SSB: variants seen among roughly 807,000 people sequenced by gnomAD.
The protein encoded by SSB is small RNA binding exonuclease protection factor La.
In SSB, 17 loss-of-function variants were observed where a neutral mutation model predicts 52.9. The observed-to-expected ratio is 0.32, with a 90% confidence interval of 0.22 to 0.48. The LOEUF (loss-of-function observed/expected upper bound fraction) is 0.48, where lower values mean the gene tolerates loss of function less well. Ranked by LOEUF, SSB falls within the 20% of genes least tolerant of loss-of-function variation. The pLI is 0.99. For missense variants in SSB, 314 were observed against 463.6 expected (o/e 0.68, Z 2.96); for synonymous variants, 111 against 152.1 (o/e 0.73, Z 1.99).
rs150765079 is a variant in SSB, at chr2:169,811,688, G to C, written c.1159G>C (p.Glu387Gln). The change falls in exon 12 of 12, where the codon GAA becomes CAA. Residue 387 changes from glutamate to glutamine, a missense_variant. By Grantham distance (29) the Glu-to-Gln change is conservative. Transcript: ENST00000260956. The stretch of plus-strand genomic sequence containing the variant: ...TATAGGACCTGTGAAAAGAGCAAGA[G>C]AAGAAACAGACAAAGAAGAACCTGC... ...GATGPVKRAR[E>Q]ETDKEEPASK... The C allele has an allele frequency of 2.1e-5, 34 of 1,612,870 alleles. No homozygotes were observed. The African/African-American group carries it at 4.5e-4, about 22-fold the overall frequency.
rs377472931 is a variant in SSB at position 169,811,288 on chromosome 2, A to T, written c.1103A>T (p.Asp368Val). ...QGKKTKFASD[D>V]EHDEHDENGA... ...AAGAAAACGAAATTTGCTAGTGATG[A>T]TGAACATGATGAACATGATGAAAAT... Residue 368 changes from aspartate to valine, a missense_variant, in exon 11 of 12, where the codon GAT (aspartate) becomes GTT (valine). Asp to Val is a radical substitution (Grantham distance 152). Coordinates refer to ENST00000260956, the MANE Select transcript of SSB (RefSeq NM_003142.5). The T allele has an allele frequency of 6.3e-7, 1 of 1,583,624 alleles. No individual in the cohort carries two copies. The highest frequency in any genetic ancestry group is 8.6e-7 in the Non-Finnish European group (1 of 1,164,306).
At position 169,805,542 on chromosome 2, in the gene SSB, C is replaced by G; in HGVS notation, c.135C>G (p.Gly45=). The change falls in exon 3 of 12, where the codon GGC becomes GGG. Residue 45 remains glycine, a synonymous_variant. Transcript: ENST00000260956. ...FLKEQIKLDE[G]WVPLEIMIKF... The stretch of plus-strand genomic sequence containing the variant: ...AGGAACAGATAAAACTGGATGAAGG[C>G]TGGGTACCTTTGGAGATAATGATAA... 6.2e-7 allele frequency: 1 copy of G among 1,613,954 alleles called. No individual in the cohort carries two copies. Among genetic ancestry groups the G allele is most frequent in the South Asian group, 1.1e-5 (1 of 91,042 alleles).
chr2:169,800,427 C>T (rs1210475265), intron 1 of SSB, among the ~76,000 whole-genome samples: 1 of 149,912 alleles, frequency 6.7e-6, no homozygotes, highest in Non-Finnish European at 1.5e-5. Context: ...ATCCCAGCTA[C>T]TCAGGAGGCG....
chr2:169,809,879 G>A (rs1367309690), intron 8 of SSB, among the ~76,000 whole-genome samples: 1 of 152,024 alleles, frequency 6.6e-6, no homozygotes, highest in South Asian at 2.1e-4. Context: ...GCCTCCCAAA[G>A]TGCTGGGATT....
chr2:169,800,924 C>T (rs751217102), intron 1 of SSB, 28 bp from the exon 2 acceptor site: 2 of 1,525,022 alleles, frequency 1.3e-6, no homozygotes, highest in Non-Finnish European at 1.8e-6. Flanking sequence ...TAAAAAATAA[C>T]TTTATGCTAA....
chr2:169,806,641 G>A, intron 4 of SSB, 144 bp from the exon 5 acceptor site: 1 of 628,600 alleles, frequency 1.6e-6, no homozygotes, highest in Non-Finnish European at 2.8e-6. Flanking sequence ...CCTAAACAAG[G>A]CTGTTAAGTG....
chr2:169,802,769 T>C (rs192352841), intron 2 of SSB, among the ~76,000 whole-genome samples: 44 of 152,330 alleles, frequency 2.9e-4, no homozygotes, highest in African/African-American at 1.1e-3. Context: ...CACACAAGCA[T>C]AGTGCCTTCA....
chr2:169,807,119 AC>A, intron 6 of SSB, 48 bp downstream of exon 6: 1 of 1,485,930 alleles, frequency 6.7e-7, no homozygotes, highest in South Asian at 1.1e-5. Context: ...TTATATGGAC[AC>A]ACACTAGGGT....
intron 1 of SSB, among the ~76,000 whole-genome samples, chr2:169,800,534 CAAAA>C (rs59743225): frequency 1.1e-3 from 86 of 78,278 alleles, no homozygotes; most frequent in African/African-American, 4.3e-3. Context: ...GACTCCGTCT[CAAAA>C]AAAAAAAAAA....
chr2:169,809,820 G>A lies in SSB; in HGVS notation c.670-463G>A, dbSNP rs180732811. Among the ~76,000 whole-genome samples, 648 of 151,936 alleles carry A rather than the reference G, an allele frequency of 4.3e-3. 6 individuals carry two copies. Among genetic ancestry groups the A allele is most frequent in the Non-Finnish European group, 4.7e-3 (318 of 67,968 alleles). ...TTTAGCAGAGACGGGGTTTCACCAT[G>A]TTAGCCAGGATGCTCTCGATCTCTT... On this transcript the variant is annotated intron_variant, in intron 8 of 11. Coordinates refer to ENST00000260956, the MANE Select transcript of SSB (RefSeq NM_003142.5).
intron 2 of SSB, among the ~76,000 whole-genome samples, chr2:169,802,964 T>C (rs925391747): frequency 8.5e-5 from 13 of 152,224 alleles, no homozygotes; most frequent in Non-Finnish European, 1.9e-4. Flanking sequence ...TTGACAAATA[T>C]TCTTATATAT....
chr2:169,805,183 A>G (rs142247638), intron 2 of SSB, among the ~76,000 whole-genome samples: 1,766 of 152,274 alleles, frequency 0.012, 51 homozygotes, highest in African/African-American at 0.04. Flanking sequence ...CTTTTTATTT[A>G]ACCATCTGTT....
At chr2:169,802,158 T>G (rs1156273649) in intron 2 of SSB, among the ~76,000 whole-genome samples, 1 of 152,112 alleles carries the variant, frequency 6.6e-6, no homozygotes, top group African/African-American at 2.4e-5. Context: ...CACTCCAGCC[T>G]GGATGACAGA....
intron 1 of SSB, among the ~76,000 whole-genome samples, chr2:169,799,680 T>A (rs1348156110): frequency 6.6e-6 from 1 of 152,044 alleles, no homozygotes; most frequent in Non-Finnish European, 1.5e-5. Flanking sequence ...GGAGTGTAGA[T>A]TGTGATAGAC....
intron 2 of SSB, among the ~76,000 whole-genome samples, chr2:169,804,538 C>A (rs1689783851): frequency 6.6e-6 from 1 of 151,840 alleles, no homozygotes; most frequent in Non-Finnish European, 1.5e-5. Flanking sequence ...CATGAACCAC[C>A]ACTCCTGGCC....
At chr2:169,799,844 T>A (rs539525012) in intron 1 of SSB, among the ~76,000 whole-genome samples, 3 of 152,348 alleles carry the variant, frequency 2.0e-5, no homozygotes, top group Admixed American at 2.0e-4. Context: ...AGTTCATAAC[T>A]AGAGTCAACT....
intron 4 of SSB, 49 bp from the exon 5 acceptor site, chr2:169,806,736 C>T: frequency 1.4e-6 from 2 of 1,408,924 alleles, no homozygotes; most frequent in Non-Finnish European, 2.0e-6. Context: ...AATTGTTTAT[C>T]TGAGAAGTCA....
chr2:169,799,948 A>C lies in SSB; in HGVS notation c.-10+972A>C, dbSNP rs76251237. Among the ~76,000 whole-genome samples, 309 of 152,352 alleles carry C rather than the reference A, an allele frequency of 2.0e-3. 2 individuals are homozygous for C. The highest frequency in any genetic ancestry group is 7.1e-3 in the African/African-American group (297 of 41,580). On this transcript the variant is annotated intron_variant, in intron 1 of 11. Coordinates refer to ENST00000260956, the MANE Select transcript of SSB (RefSeq NM_003142.5). ...GAGTCCTGGAGGCAAGTACTTTGTA[A>C]GTAGAAGACTTGGTTTGTAATTTCT... is the stretch of plus-strand genomic sequence containing the variant.
At position 169,811,587 on chromosome 2, in the gene SSB, T is replaced by G; in HGVS notation, c.1139-81T>G. The G allele has an allele frequency of 2.0e-6, 3 of 1,535,324 alleles. No homozygotes were observed. The South Asian group carries it at 3.8e-5, about 19-fold the overall frequency. ...AGTTGTTGCATCTTTTTCAACAGTATCATTATTAGTAATTGTGCTCAGTAT... is the reference window on the plus strand; with the variant it reads ...AGTTGTTGCATCTTTTTCAACAGTAGCATTATTAGTAATTGTGCTCAGTAT... On this transcript the variant is annotated intron_variant, in intron 11 of 11. Transcript: ENST00000260956.
Sources: allele counts gnomAD v4.1 joint callset (sites outside exome capture counted in the v4.1 genomes callset), GRCh38; gene constraint gnomAD v4.1.1; transcripts MANE v1.5; gene names NCBI Gene and HGNC (gene_info 2026-07-23, HGNC 2026-07-21).